Variants in SLC35D4 observed in about 807,000 individuals in gnomAD.
SLC35D4 encodes solute carrier family 35 member D4, also known as UDP-N-acetylglucosamine transporter SLC35D4.
the SLC35D4 span, among the ~76,000 whole-genome samples, chr18:23,275,607 C>CCG: frequency 1.8e-4 from 15 of 83,706 alleles, no homozygotes; most frequent in African/African-American, 5.7e-4. Context: ...CTGTGCTGTG[C>CCG]TGTGCTGTGC....
At chr18:23,282,345 G>A in the SLC35D4 span, among the ~76,000 whole-genome samples, 1 of 152,080 alleles carries the variant, frequency 6.6e-6, no homozygotes, top group Non-Finnish European at 1.5e-5. Flanking sequence ...AACTGGCCTA[G>A]GTTTATATGC....
the SLC35D4 span, among the ~76,000 whole-genome samples, chr18:23,268,122 G>T: frequency 6.6e-6 from 1 of 152,136 alleles, no homozygotes; most frequent in Non-Finnish European, 1.5e-5. Flanking sequence ...AAAATAATTT[G>T]CAGGAAGTCT....
the SLC35D4 span, among the ~76,000 whole-genome samples, chr18:23,254,835 C>A: frequency 2.0e-5 from 3 of 152,322 alleles, no homozygotes; most frequent in East Asian, 5.8e-4. Context: ...TCTCCTAATA[C>A]CATCACATGA....
the SLC35D4 span, among the ~76,000 whole-genome samples, chr18:23,426,457 C>T: frequency 6.6e-6 from 1 of 152,094 alleles, no homozygotes; most frequent in Non-Finnish European, 1.5e-5. Context: ...ATCCAACTTA[C>T]AAGGGATGTG....
At chr18:23,371,935 G>GTTTTTTTTGTTTTTTTTTTT in the SLC35D4 span, among the ~76,000 whole-genome samples, 56 of 35,460 alleles carry the variant, frequency 1.6e-3, no homozygotes, top group Admixed American at 1.7e-3. Context: ...TGTTTTTTTT[G>GTTTTTTTTGTTTTTTTTTTT]TTTTTTTTTT....
At chr18:23,390,214 T>C in the SLC35D4 span, among the ~76,000 whole-genome samples, 1 of 152,188 alleles carries the variant, frequency 6.6e-6, no homozygotes, top group Non-Finnish European at 1.5e-5. Context: ...TCTTCATGAT[T>C]TGAAACCACT....
the SLC35D4 span, among the ~76,000 whole-genome samples, chr18:23,281,816 G>A: frequency 6.6e-6 from 1 of 152,246 alleles, no homozygotes; most frequent in South Asian, 2.1e-4. Context: ...AGCAACAGGA[G>A]TGGCTGCTTT....
At chr18:23,366,566 T>C in the SLC35D4 span, among the ~76,000 whole-genome samples, 4 of 152,180 alleles carry the variant, frequency 2.6e-5, no homozygotes, top group African/African-American at 9.7e-5. Context: ...AGTTGTTTTA[T>C]TTTGTTATGG....
the SLC35D4 span, among the ~76,000 whole-genome samples, chr18:23,422,530 C>T: frequency 6.6e-6 from 1 of 152,298 alleles, no homozygotes; most frequent in Admixed American, 6.5e-5. Context: ...TTCAGGCTCT[C>T]ATCATCTCAT....
chr18:23,248,366 A>C, the SLC35D4 span, among the ~76,000 whole-genome samples: 1 of 152,186 alleles, frequency 6.6e-6, no homozygotes, highest in African/African-American at 2.4e-5. Context: ...TCTGAAGTGC[A>C]GCATCCACTC....
the SLC35D4 span, among the ~76,000 whole-genome samples, chr18:23,428,532 T>C: frequency 6.6e-6 from 1 of 152,164 alleles, no homozygotes; most frequent in Non-Finnish European, 1.5e-5. Context: ...ATTTTTATGT[T>C]TTTTAGACAG....
the SLC35D4 span, among the ~76,000 whole-genome samples, chr18:23,405,001 A>C: frequency 4.0e-5 from 6 of 148,704 alleles, no homozygotes; most frequent in South Asian, 4.3e-4. Flanking sequence ...TCAAAAAAAA[A>C]AAAAAAAAAA....
the SLC35D4 span, among the ~76,000 whole-genome samples, chr18:23,361,099 G>C: frequency 2.4e-5 from 1 of 41,644 alleles, no homozygotes; most frequent in African/African-American, 8.4e-5. Flanking sequence ...TCGAGACTTT[G>C]TCTCAAAAAA....
At chr18:23,365,809 C>G in the SLC35D4 span, 6 of 889,040 alleles carry the variant, frequency 6.7e-6, no homozygotes, top group Non-Finnish European at 3.4e-6. Flanking sequence ...AAATCCAGCT[C>G]CTCAGAGAGA....
At chr18:23,411,974 T>C in the SLC35D4 span, among the ~76,000 whole-genome samples, 4 of 152,238 alleles carry the variant, frequency 2.6e-5, no homozygotes, top group African/African-American at 9.6e-5. Context: ...TTGAAAATTC[T>C]ATGTTACACT....
the SLC35D4 span, among the ~76,000 whole-genome samples, chr18:23,273,016 T>A: frequency 7.9e-5 from 12 of 152,346 alleles, no homozygotes; most frequent in African/African-American, 2.9e-4. Flanking sequence ...TTGTTCTCCA[T>A]GACACCGGTG....
At chr18:23,367,450 G>A in the SLC35D4 span, among the ~76,000 whole-genome samples, 5 of 152,264 alleles carry the variant, frequency 3.3e-5, no homozygotes, top group African/African-American at 1.2e-4. Flanking sequence ...CAGCATGAAG[G>A]TACTGCAGAG....
chr18:23,304,505 T>G, the SLC35D4 span, among the ~76,000 whole-genome samples: 4 of 148,486 alleles, frequency 2.7e-5, no homozygotes, highest in Non-Finnish European at 5.9e-5. Flanking sequence ...ACATTATATA[T>G]CTATCAATTA....
chr18:23,323,739 A>G, the SLC35D4 span, among the ~76,000 whole-genome samples: 1 of 152,130 alleles, frequency 6.6e-6, no homozygotes, highest in Non-Finnish European at 1.5e-5. Context: ...AGTTTAGATG[A>G]GGTCATGAAT....
Sources: gnomAD v4.1 joint callset for allele counts (sites outside exome capture counted in the v4.1 genomes callset) on GRCh38, gnomAD v4.1.1 for gene constraint, MANE v1.5 for transcripts, NCBI Gene and HGNC (gene_info 2026-07-23, HGNC 2026-07-21) for gene names.